Variants in KLC4 observed in about 807,000 individuals in gnomAD.
The protein encoded by KLC4 is kinesin-like protein 8.
A neutral mutation model predicts 77.2 loss-of-function variants in KLC4; 49 were observed. That is an observed-to-expected ratio of 0.63 (90% confidence interval 0.50 to 0.80). KLC4 has a LOEUF of 0.80. Among genes scored for constraint, KLC4 ranks in the 30% least tolerant of loss-of-function variants. KLC4 has a pLI of 0.00. For missense variants in KLC4, 669 were observed against 793.5 expected (o/e 0.84, Z 1.89); for synonymous variants, 274 against 314.5 (o/e 0.87, Z 1.36).
intron 14 of KLC4, chr6:43,073,664 A>G (rs1276953247): frequency 3.5e-6 from 2 of 567,890 alleles, no homozygotes; most frequent in East Asian, 6.0e-5. Context: ...AAAAAGAAAA[A>G]AAAAAAAGAT....
At chr6:43,072,058 T>C in intron 11 of KLC4, 89 bp from the exon 12 acceptor site, 1 of 1,391,090 alleles carries the variant, frequency 7.2e-7, no homozygotes, top group Non-Finnish European at 1.0e-6. Flanking sequence ...TATTTTCTTA[T>C]TTTTTTTCCT....
Position 43,073,278 on chromosome 6 carries a change from T to A in KLC4, c.1685T>A (p.Leu562His). Residue 562 changes from leucine to histidine, a missense_variant, in exon 14 of 16, where the codon CTC becomes CAC. Coordinates refer to ENST00000347162, the MANE Select transcript of KLC4 (RefSeq NM_201521.3). The stretch of plus-strand genomic sequence containing the variant: ...TCTCTTGGCAAGATCCGGGATGTGC[T>A]CCGCAGAAGCAGTGAACTCTTGGTG... ...SGSLGKIRDVLRRSSELLVRK... is the reference protein window; with the variant it reads ...SGSLGKIRDVHRRSSELLVRK... 6.2e-7 allele frequency: 1 copy of A among 1,614,078 alleles called. No individual in the cohort carries two copies. Among genetic ancestry groups the A allele is most frequent in the Non-Finnish European group, 8.5e-7 (1 of 1,180,010 alleles).
At chr6:43,068,871 G>A (rs536794803) in intron 6 of KLC4, among the ~76,000 whole-genome samples, 22 of 152,242 alleles carry the variant, frequency 1.4e-4, no homozygotes, top group African/African-American at 5.3e-4. Flanking sequence ...ACTTTGGGAG[G>A]CCGAGGTGGT....
At chr6:43,059,979 C>T in intron 1 of KLC4, 1 of 1,358,280 alleles carries the variant, frequency 7.4e-7, no homozygotes, top group Non-Finnish European at 9.5e-7. Flanking sequence ...CCTGCCGCCC[C>T]CGCCCATCTC....
At chr6:43,067,666 G>A (rs1024102640) in intron 6 of KLC4, among the ~76,000 whole-genome samples, 18 of 151,018 alleles carry the variant, frequency 1.2e-4, no homozygotes, top group East Asian at 2.0e-4. Context: ...GTGGTGGCGG[G>A]CGCCTGTAGT....
rs575144749 is a variant in KLC4, at chr6:43,064,780, G to A, written c.490-840G>A. Among the ~76,000 whole-genome samples, 9 of 152,334 alleles carry A rather than the reference G, an allele frequency of 5.9e-5. No individual in the cohort carries two copies. The East Asian group carries it at 1.3e-3, about 23-fold the overall frequency. ...TTGGTGAAGCTGGGTAGGAGGGTTG[G>A]TGTTTGGATGAGGCTGCAGTTCCTG... is the stretch of plus-strand genomic sequence containing the variant. On this transcript the variant is annotated intron_variant, in intron 3 of 15. Transcript: ENST00000347162.
intron 6 of KLC4, among the ~76,000 whole-genome samples, chr6:43,069,119 A>G (rs1174027131): frequency 1.3e-5 from 2 of 152,106 alleles, no homozygotes; most frequent in South Asian, 2.1e-4. Context: ...AAATAAATAA[A>G]TAAATAAATA....
At chr6:43,062,806 C>T (rs1765227123) in intron 2 of KLC4, 111 bp from the exon 3 acceptor site, 3 of 795,244 alleles carry the variant, frequency 3.8e-6, no homozygotes, top group South Asian at 3.2e-5. Context: ...CCCCCACCTT[C>T]TGGCTCCTCT....
At chr6:43,067,131 T>G in intron 6 of KLC4, 48 bp downstream of exon 6, 1 of 876,254 alleles carries the variant, frequency 1.1e-6, no homozygotes, top group Non-Finnish European at 1.7e-6. Context: ...CCCCCCACCA[T>G]TGCTGTTTTG....
At chr6:43,064,912 A>C (rs1189423710) in intron 3 of KLC4, among the ~76,000 whole-genome samples, 5 of 152,200 alleles carry the variant, frequency 3.3e-5, no homozygotes, top group Non-Finnish European at 5.9e-5. Flanking sequence ...AGGCTGAGCT[A>C]GACACTTTCT....
At position 43,070,400 on chromosome 6, in the gene KLC4, G is replaced by C; in HGVS notation, c.926G>C (p.Gly309Ala). Reference protein sequence around the residue: ...NNLAVLYGKRGKYKEAEPLCQ... With the variant: ...NNLAVLYGKRAKYKEAEPLCQ... The stretch of plus-strand genomic sequence containing the variant: ...TTGGCTGTGCTCTATGGCAAAAGGG[G>C]CAAGTACAAGGAGGCAGAGCCTCTG... Residue 309 changes from glycine (G) to alanine (A), a missense_variant, in exon 7 of 16, where the codon GGC becomes GCC. Gly to Ala is a moderately conservative substitution (Grantham distance 60). Transcript: ENST00000347162. 10 of 1,614,194 alleles carry C rather than the reference G, an allele frequency of 6.2e-6. No individual in the cohort carries two copies. The highest frequency in any genetic ancestry group is 8.5e-6 in the Non-Finnish European group (10 of 1,180,010).
chr6:43,066,192 A>G, intron 4 of KLC4, 114 bp from the exon 5 acceptor site: 3 of 845,062 alleles, frequency 3.6e-6, no homozygotes, highest in South Asian at 1.5e-5. Flanking sequence ...TCTAATATTG[A>G]GAGTCCAGGT....
At chr6:43,064,118 G>GT (rs1261776119) in intron 3 of KLC4, among the ~76,000 whole-genome samples, 3 of 151,206 alleles carry the variant, frequency 2.0e-5, no homozygotes, top group South Asian at 4.2e-4. Flanking sequence ...GATTACAGGC[G>GT]TGAGCCACCA....
In KLC4 at chr6:43,063,035, C is replaced by T. The variant is rs773843055; in HGVS notation, c.377C>T (p.Thr126Ile). Residue 126 changes from threonine (T) to isoleucine (I), a missense_variant, in exon 3 of 16, where the codon ACC becomes ATC. Physicochemically the swap from Thr to Ile is moderately conservative, Grantham distance 89. Transcript: ENST00000347162. Reference sequence around the variant, plus strand: ...TGGCTGCGGGATGAGCTGGCTGGCACCCAGCAGCGGCTACAGCGCAGTGAA... The same window carrying T: ...TGGCTGCGGGATGAGCTGGCTGGCATCCAGCAGCGGCTACAGCGCAGTGAA... ...NQWLRDELAGTQQRLQRSEQA... is the reference protein window; with the variant it reads ...NQWLRDELAGIQQRLQRSEQA... 7 of 1,614,084 alleles carry T rather than the reference C, an allele frequency of 4.3e-6. No individual in the cohort carries two copies. The highest frequency in any genetic ancestry group is 5.9e-6 in the Non-Finnish European group (7 of 1,180,022).
chr6:43,067,386 AAAAC>A (rs1267714713), intron 6 of KLC4: 1 of 450,606 alleles, frequency 2.2e-6, no homozygotes, highest in African/African-American at 2.0e-5. Context: ...ATATAAAAGA[AAAAC>A]AAGAAAAGTA....
chr6:43,073,345 A>T lies in KLC4; in HGVS notation c.1745+7A>T. The T allele has an allele frequency of 6.3e-7, 1 of 1,595,322 alleles. No homozygotes were observed. The highest frequency in any genetic ancestry group is 1.1e-5 in the South Asian group (1 of 90,474). ...CTGAGCCTCGGCCCTCCAGGTATACATGGAAGTCAAGATACAGTAAAGTGG... is the reference window on the plus strand; with the variant it reads ...CTGAGCCTCGGCCCTCCAGGTATACTTGGAAGTCAAGATACAGTAAAGTGG... On this transcript the variant is annotated splice_region_variant and intron_variant, in intron 14 of 15. Transcript: ENST00000347162.
intron 4 of KLC4, 100 bp from the exon 5 acceptor site, chr6:43,066,206 G>T (rs933123524): frequency 6.6e-5 from 64 of 971,638 alleles, no homozygotes; most frequent in Admixed American, 5.8e-4. Flanking sequence ...TCCAGGTTGG[G>T]GTGGGCACAA....
At chr6:43,059,774 C>T (rs1351118316) in intron 1 of KLC4, 89 bp downstream of exon 1, 2 of 1,198,518 alleles carry the variant, frequency 1.7e-6, no homozygotes, top group African/African-American at 1.6e-5. Flanking sequence ...CAAACCCCCT[C>T]CAACCAACCT....
chr6:43,070,627 C>T, intron 7 of KLC4, 65 bp from the exon 8 acceptor site: 1 of 1,542,308 alleles, frequency 6.5e-7, no homozygotes, highest in Non-Finnish European at 8.9e-7. Flanking sequence ...TACATGCAAA[C>T]ACACGTGTGC....
Sources: gnomAD v4.1 joint callset for allele counts (sites outside exome capture counted in the v4.1 genomes callset) on GRCh38, gnomAD v4.1.1 for gene constraint, MANE v1.5 for transcripts, NCBI Gene and HGNC (gene_info 2026-07-23, HGNC 2026-07-21) for gene names.